DLG2: variants seen among roughly 807,000 people sequenced by gnomAD.
The protein encoded by DLG2 is discs large MAGUK scaffold protein 2, also known as disks large homolog 2.
Under a neutral mutation model 132.5 loss-of-function variants are expected in DLG2, and 45 were observed. The ratio of observed to expected loss-of-function variants is 0.34; its 90% confidence interval spans 0.27 to 0.44. DLG2 has a LOEUF of 0.44. DLG2 is among the 20% of genes least tolerant of loss of function. The pLI is 1.00. For missense variants in DLG2, 1,045 were observed against 1,196.9 expected (o/e 0.87, Z 1.87); for synonymous variants, 424 against 419.6 (o/e 1.01, Z -0.13).
At chr11:84,412,751 T>A (rs1363292730) in intron 7 of DLG2, among the ~76,000 whole-genome samples, 1 of 152,138 alleles carries the variant, frequency 6.6e-6, no homozygotes, top group Non-Finnish European at 1.5e-5. Context: ...GAGCTTTAAG[T>A]TTTCCTCATT....
At chr11:85,477,267 A>C (rs1355224693) in intron 3 of DLG2, among the ~76,000 whole-genome samples, 1 of 152,206 alleles carries the variant, frequency 6.6e-6, no homozygotes, top group Admixed American at 6.5e-5. Flanking sequence ...TTTATGATAA[A>C]ATATAAAATC....
At chr11:83,572,966 T>C (rs1265456478) in intron 19 of DLG2, among the ~76,000 whole-genome samples, 1 of 152,208 alleles carries the variant, frequency 6.6e-6, no homozygotes, top group Non-Finnish European at 1.5e-5. Context: ...TCATTAAGGC[T>C]TTCTGGTTAA....
intron 8 of DLG2, among the ~76,000 whole-genome samples, chr11:84,229,028 C>T (rs1400892248): frequency 6.6e-6 from 1 of 152,152 alleles, no homozygotes; most frequent in African/African-American, 2.4e-5. Flanking sequence ...ACAGTTCCTG[C>T]TATATCATAT....
chr11:85,266,773 G>A (rs930211415), intron 4 of DLG2, among the ~76,000 whole-genome samples: 2 of 152,166 alleles, frequency 1.3e-5, no homozygotes, highest in Admixed American at 6.5e-5. Context: ...TATTTTGTAC[G>A]CCCACTTTGC....
At chr11:84,307,687 C>A (rs1443797474) in intron 7 of DLG2, among the ~76,000 whole-genome samples, 1 of 98,826 alleles carries the variant, frequency 1.0e-5, no homozygotes, top group Non-Finnish European at 1.9e-5. Flanking sequence ...AAGAGCGAGA[C>A]GCAGTCTCAA....
chr11:83,633,287 C>G lies in DLG2; in HGVS notation c.1864G>C (p.Glu622Gln). 6.2e-7 allele frequency: 1 copy of G among 1,613,606 alleles called. No homozygotes were observed. The highest frequency in any genetic ancestry group is 8.5e-7 in the Non-Finnish European group (1 of 1,179,720). ...RFEAKIHDLR[E>Q]QMMNHSMSSG... ...CTCATGCTGTGGTTCATCATCTGCT[C>G]TCGTAGGTCATGGATTTTGGCCTCA... The change falls in exon 19 of 28, where the codon GAG (glutamate) becomes CAG (glutamine). Residue 622 changes from glutamate to glutamine, a missense_variant. Around this residue, in one of 4 missense-constraint regions of DLG2, gnomAD observed 398 missense variants for 543.6 expected, o/e 0.73. Coordinates refer to ENST00000376104, the MANE Select transcript of DLG2 (RefSeq NM_001142699.3).
At chr11:83,906,273 A>T (rs1481142339) in intron 15 of DLG2, among the ~76,000 whole-genome samples, 21,821 of 92,450 alleles carry the variant, frequency 0.24, 2,790 homozygotes, top group South Asian at 0.34. Flanking sequence ...ACACACACAC[A>T]CACACACACA....
Position 84,711,009 on chromosome 11 carries a change from G to GATATAT in DLG2, c.358-176284_358-176279dup, listed in dbSNP as rs367922564. On this transcript the variant is annotated intron_variant, in intron 6 of 27. Coordinates refer to ENST00000376104, the MANE Select transcript of DLG2 (RefSeq NM_001142699.3). ...TGACAAGTACATTCATATATATATA[G>GATATAT]ATATATATATATATATATATATAGA... Among the ~76,000 whole-genome samples the GATATAT allele has an allele frequency of 5.6e-3, 496 of 89,040 alleles. 2 individuals are homozygous for GATATAT. The highest frequency in any genetic ancestry group is 0.018 in the African/African-American group (386 of 20,994). 58.4% of individuals were successfully genotyped at this position (89,040 alleles called of 152,430 possible).
intron 6 of DLG2, among the ~76,000 whole-genome samples, chr11:84,947,971 T>A (rs553052493): frequency 6.6e-6 from 1 of 152,342 alleles, no homozygotes; most frequent in South Asian, 2.1e-4. Flanking sequence ...AGAAGTGTAC[T>A]GGGCCGTTAG....
Position 83,711,661 on chromosome 11 carries a change from C to T in DLG2, c.1825+75029G>A, listed in dbSNP as rs11821437. 5.5e-3 allele frequency among the ~76,000 whole-genome samples: 840 copies of T among 152,276 alleles called. 7 individuals are homozygous for T. Among genetic ancestry groups the T allele is most frequent in the African/African-American group, 0.017 (717 of 41,554 alleles). On this transcript the variant is annotated intron_variant, in intron 18 of 27. Coordinates refer to ENST00000376104, the MANE Select transcript of DLG2 (RefSeq NM_001142699.3). ...ACAGGCAGAAAAACATAATTGAACACTAAGATGAGGGTCACTGTGCAAGTA... is the reference window on the plus strand; with the variant it reads ...ACAGGCAGAAAAACATAATTGAACATTAAGATGAGGGTCACTGTGCAAGTA...
rs77442430 is a variant in DLG2 at position 83,784,349 on chromosome 11, A to T, written c.1825+2341T>A. On this transcript the variant is annotated intron_variant, in intron 18 of 27. Transcript: ENST00000376104. ...CTTTTTCATTGAAAACTGCAGTTAA[A>T]TTAAGGCTCAGTTACACGTAAAGTT... Among the ~76,000 whole-genome samples, 1,349 of 152,354 alleles carry T rather than the reference A, an allele frequency of 8.9e-3. 17 individuals carry two copies. The highest frequency in any genetic ancestry group is 0.031 in the African/African-American group (1,273 of 41,594).
At chr11:84,099,590 A>G (rs1002053915) in intron 9 of DLG2, among the ~76,000 whole-genome samples, 1 of 151,812 alleles carries the variant, frequency 6.6e-6, no homozygotes, top group African/African-American at 2.4e-5. Flanking sequence ...CATGAGAGAT[A>G]CTTTTGAACA....
intron 11 of DLG2, among the ~76,000 whole-genome samples, chr11:84,045,194 T>C (rs1374379586): frequency 1.3e-5 from 2 of 151,822 alleles, no homozygotes; most frequent in Non-Finnish European, 2.9e-5. Context: ...CAGCCCTTCC[T>C]TATACCTGTG....
intron 6 of DLG2, among the ~76,000 whole-genome samples, chr11:85,002,764 C>T (rs2058325844): frequency 6.6e-6 from 1 of 151,910 alleles, no homozygotes; most frequent in Admixed American, 6.6e-5. Flanking sequence ...TGCCGCTTCT[C>T]CTGCCTCCCC....
At chr11:84,827,492 T>C (rs2078469517) in intron 6 of DLG2, among the ~76,000 whole-genome samples, 1 of 151,454 alleles carries the variant, frequency 6.6e-6, no homozygotes, top group South Asian at 2.1e-4. Context: ...AGGAGGATAA[T>C]ATTGATTGAT....
chr11:84,671,731 G>A (rs968007970), intron 6 of DLG2, among the ~76,000 whole-genome samples: 4 of 152,092 alleles, frequency 2.6e-5, no homozygotes, highest in African/African-American at 9.7e-5. Context: ...TTTAATGACT[G>A]GTATGGACTT....
chr11:83,606,659 A>G (rs1038206008), intron 19 of DLG2, among the ~76,000 whole-genome samples: 46 of 151,104 alleles, frequency 3.0e-4, no homozygotes, highest in African/African-American at 1.0e-3. Context: ...CGGGCGCGGT[A>G]GCTCACGCCT....
At chr11:83,569,001 T>C (rs1162140284) in intron 19 of DLG2, among the ~76,000 whole-genome samples, 1 of 152,194 alleles carries the variant, frequency 6.6e-6, no homozygotes, top group African/African-American at 2.4e-5. Context: ...AAGAGTTAAA[T>C]TACTTATCAC....
At chr11:84,234,069 G>A (rs1051448615) in intron 8 of DLG2, among the ~76,000 whole-genome samples, 1 of 152,172 alleles carries the variant, frequency 6.6e-6, no homozygotes, top group Admixed American at 6.5e-5. Flanking sequence ...GCTGGTAAGG[G>A]AAGAATGCCT....
Sources: gnomAD v4.1 joint callset for allele counts (sites outside exome capture counted in the v4.1 genomes callset) on GRCh38, gnomAD v4.1.1 for gene constraint, gnomAD v4.1.1 regional missense constraint, MANE v1.5 for transcripts, NCBI Gene and HGNC (gene_info 2026-07-23, HGNC 2026-07-21) for gene names.